The following ST8SIA2 variants were observed in gnomAD, a reference collection of about 807,000 sequenced individuals.
ST8SIA2 encodes the protein ST8 alpha-N-acetyl-neuraminide alpha-2,8-sialyltransferase 2, also known as alpha-2,8-sialyltransferase 8B.
Under a neutral mutation model 37.6 loss-of-function variants are expected in ST8SIA2, and 22 were observed. The ratio of observed to expected loss-of-function variants is 0.58; its 90% CI spans 0.42 to 0.83. ST8SIA2 has a LOEUF of 0.83. Among genes scored for constraint, ST8SIA2 ranks in the 40% least tolerant of loss-of-function variants. ST8SIA2 has a pLI of 0.00. For missense variants in ST8SIA2, 382 were observed against 484.7 expected, an observed-to-expected ratio of 0.79 and a Z score of 1.99; for synonymous variants, 205 against 201.2, an observed-to-expected ratio of 1.02 and a Z score of -0.16.
At chr15:92,425,288 G>T (rs7166044) in intron 1 of ST8SIA2, among the ~76,000 whole-genome samples, 5,014 of 152,306 alleles carry the variant, frequency 0.033, 280 homozygotes, top group African/African-American at 0.11. Flanking sequence ...TTCTTTGAAT[G>T]ATGGTCTTCC....
intron 1 of ST8SIA2, among the ~76,000 whole-genome samples, chr15:92,415,804 G>A (rs1242315626): frequency 6.6e-6 from 1 of 152,250 alleles, no homozygotes; most frequent in East Asian, 1.9e-4. Flanking sequence ...AAACTCTGAA[G>A]TCAGCAAATG....
chr15:92,407,970 C>A (rs2049520386), intron 1 of ST8SIA2, among the ~76,000 whole-genome samples: 1 of 152,132 alleles, frequency 6.6e-6, no homozygotes, highest in Non-Finnish European at 1.5e-5. Flanking sequence ...GAAGTTTATG[C>A]AATGACATCC....
intron 1 of ST8SIA2, among the ~76,000 whole-genome samples, chr15:92,395,018 A>G (rs2049420081): frequency 6.6e-6 from 1 of 151,962 alleles, no homozygotes; most frequent in African/African-American, 2.4e-5. Flanking sequence ...TGGAGTGCGC[A>G]CTTGAGGCGC....
At chr15:92,412,432 G>T (rs557358027) in intron 1 of ST8SIA2, among the ~76,000 whole-genome samples, 32 of 151,668 alleles carry the variant, frequency 2.1e-4, no homozygotes, top group African/African-American at 7.5e-4. Context: ...AAGGAGGGAA[G>T]ATTGGGATCC....
In ST8SIA2 at chr15:92,394,112, C is replaced by A. The variant is rs551668161; in HGVS notation, c.48C>A (p.Leu16=). ...GGATGCTGGCCGCGCTCACGCTGCTCGTGGTCTTCCTCATCTTCGCAGACA... is the reference window on the plus strand; with the variant it reads ...GGATGCTGGCCGCGCTCACGCTGCTAGTGGTCTTCCTCATCTTCGCAGACA... ...RSWMLAALTL[L]VVFLIFADIS... is the part of the protein sequence containing the mutation. Residue 16 remains leucine (L), a synonymous_variant, in exon 1 of 6, where the codon CTC becomes CTA. Coordinates refer to ENST00000268164, the MANE Select transcript of ST8SIA2 (RefSeq NM_006011.4). The A allele has an allele frequency of 1.0e-5, 16 of 1,560,200 alleles. No homozygotes were observed. In the South Asian group the frequency reaches 1.7e-4, roughly 16 times the overall value.
At chr15:92,423,354 G>A (rs1413802264) in intron 1 of ST8SIA2, among the ~76,000 whole-genome samples, 2 of 152,256 alleles carry the variant, frequency 1.3e-5, no homozygotes, top group Non-Finnish European at 2.9e-5. Flanking sequence ...CTGGGAAGTG[G>A]AGGGTGCAGT....
At chr15:92,404,319 C>T (rs1181043315) in intron 1 of ST8SIA2, among the ~76,000 whole-genome samples, 1 of 152,158 alleles carries the variant, frequency 6.6e-6, no homozygotes, top group Non-Finnish European at 1.5e-5. Context: ...GGCAAATGAC[C>T]TCACCTTTCT....
At chr15:92,451,179 G>A (rs1015495393) in intron 5 of ST8SIA2, among the ~76,000 whole-genome samples, 6 of 152,168 alleles carry the variant, frequency 3.9e-5, no homozygotes, top group Admixed American at 3.3e-4. Context: ...GCACAACCAG[G>A]AACTGAACTG....
intron 2 of ST8SIA2, among the ~76,000 whole-genome samples, chr15:92,433,489 T>C (rs2049731772): frequency 6.6e-6 from 1 of 152,220 alleles, no homozygotes; most frequent in African/African-American, 2.4e-5. Context: ...ATACCTGGTG[T>C]TCCTGAGTCA....
chr15:92,396,766 G>A (rs2049435145), intron 1 of ST8SIA2, among the ~76,000 whole-genome samples: 1 of 152,176 alleles, frequency 6.6e-6, no homozygotes, highest in Non-Finnish European at 1.5e-5. Flanking sequence ...TGGGATTACA[G>A]GCGTGAGCCA....
rs191994644 is a variant in ST8SIA2, at chr15:92,440,600, G to A, written c.548+1990G>A. ...ATGTCCATGGCTCTGAAACTCCCAC[G>A]TGTCTCTGGGGTGGACCTGTGGGGT... is the stretch of plus-strand genomic sequence containing the variant. On this transcript the variant is annotated intron_variant, in intron 4 of 5. Transcript: ENST00000268164. 5.9e-5 allele frequency among the ~76,000 whole-genome samples: 9 copies of A among 152,322 alleles called. No individual in the cohort carries two copies. In the East Asian group the frequency reaches 1.2e-3, roughly 20 times the overall value.
chr15:92,419,648 G>A (rs1347070620), intron 1 of ST8SIA2, among the ~76,000 whole-genome samples: 1 of 152,162 alleles, frequency 6.6e-6, no homozygotes, highest in Non-Finnish European at 1.5e-5. Context: ...TTGTATAGTA[G>A]GGAGCTCCAA....
intron 1 of ST8SIA2, among the ~76,000 whole-genome samples, chr15:92,408,682 TTTA>T (rs1367527974): frequency 4.7e-4 from 48 of 101,164 alleles, no homozygotes; most frequent in Non-Finnish European, 8.4e-4. Flanking sequence ...ATTTTTTTTA[TTTA>T]TTTATTTATT....
In ST8SIA2 at chr15:92,393,991, G is replaced by C. The variant is rs926941899; in HGVS notation, c.-74G>C. ...CTGCGCGCGGCGCGCGGAGGCTCCG[G>C]CGTCCGCCGCTGCGCCCTCCGGCCC... On this transcript the variant is annotated 5_prime_UTR_variant, in exon 1 of 6. Transcript: ENST00000268164. 9.0e-7 allele frequency: 1 copy of C among 1,116,544 alleles called. No individual in the cohort carries two copies. The highest frequency in any genetic ancestry group is 1.7e-5 in the African/African-American group (1 of 58,650). The allele number at this position is 1,116,544 out of a possible 1,614,324, so 69.2% of individuals were successfully genotyped here.
intron 5 of ST8SIA2, among the ~76,000 whole-genome samples, chr15:92,451,640 C>T (rs1300002700): frequency 2.0e-5 from 3 of 152,160 alleles, no homozygotes; most frequent in African/African-American, 4.8e-5. Flanking sequence ...ATGCTGCTCT[C>T]GATGGCTTGC....
At chr15:92,420,638 A>C (rs2049626432) in intron 1 of ST8SIA2, among the ~76,000 whole-genome samples, 1 of 152,210 alleles carries the variant, frequency 6.6e-6, no homozygotes, top group Admixed American at 6.5e-5. Flanking sequence ...TTTAAATTGA[A>C]GGCAGAAGGG....
At chr15:92,463,247 C>T (rs1596252716) in intron 5 of ST8SIA2, among the ~76,000 whole-genome samples, 1 of 152,336 alleles carries the variant, frequency 6.6e-6, no homozygotes, top group Admixed American at 6.5e-5. Flanking sequence ...TCTTTGTTTC[C>T]TCTCGTAACC....
At chr15:92,429,953 A>G in intron 1 of ST8SIA2, 96 bp from the exon 2 acceptor site, 1 of 1,325,974 alleles carries the variant, frequency 7.5e-7, no homozygotes, top group Non-Finnish European at 1.1e-6. Context: ...CACCCTCTGT[A>G]GTTTTCCAGG....
At chr15:92,417,568 C>G (rs62020979) in intron 1 of ST8SIA2, 1 of 152,130 alleles carries the variant, frequency 6.6e-6, no homozygotes, top group Admixed American at 6.5e-5. Flanking sequence ...ACTGGATGGG[C>G]GTTCTGCTTC....
Sources: allele counts gnomAD v4.1 joint callset (sites outside exome capture counted in the v4.1 genomes callset), GRCh38; gene constraint gnomAD v4.1.1; transcripts MANE v1.5; gene names NCBI Gene and HGNC (gene_info 2026-07-23, HGNC 2026-07-21).